CWC27: variants seen among roughly 807,000 people sequenced by gnomAD.
CWC27 encodes the protein CWC27 spliceosome associated cyclophilin, also known as spliceosome-associated protein CWC27 homolog.
A neutral mutation model predicts 63.6 loss-of-function variants in CWC27; 47 were observed. The ratio of observed to expected loss-of-function variants is 0.74; its 90% CI spans 0.58 to 0.94. CWC27 has a LOEUF of 0.94. Ranked by LOEUF, CWC27 falls within the 40% of genes least tolerant of loss-of-function variation. The pLI is 0.00. For synonymous variants in CWC27, 175 were observed against 179.8 expected, an observed-to-expected ratio of 0.97 and a Z score of 0.22; for missense variants, 495 against 554.3, an observed-to-expected ratio of 0.89 and a Z score of 1.07.
intron 7 of CWC27, among the ~76,000 whole-genome samples, chr5:64,789,234 A>G (rs1031027844): frequency 2.6e-5 from 4 of 152,122 alleles, no homozygotes; most frequent in Admixed American, 1.3e-4. Context: ...TTTTAAAAAA[A>G]TCAGTTTGAA....
At chr5:64,929,967 A>T (rs1748205874) in intron 11 of CWC27, among the ~76,000 whole-genome samples, 1 of 150,820 alleles carries the variant, frequency 6.6e-6, no homozygotes, top group African/African-American at 2.4e-5. Flanking sequence ...AAGGGAAACA[A>T]CCCAGACAAA....
At chr5:64,909,039 A>G (rs578121693) in intron 11 of CWC27, among the ~76,000 whole-genome samples, 43 of 152,062 alleles carry the variant, frequency 2.8e-4, no homozygotes, top group African/African-American at 8.9e-4. Context: ...TCCTTTCCAT[A>G]TTTAGTGCTT....
chr5:64,869,814 G>A (rs1415289925), intron 10 of CWC27, among the ~76,000 whole-genome samples: 1 of 151,966 alleles, frequency 6.6e-6, no homozygotes. Context: ...TGTGTTTTAT[G>A]TGTCTAGATG....
intron 11 of CWC27, among the ~76,000 whole-genome samples, chr5:64,947,780 T>G (rs1447138972): frequency 6.6e-6 from 1 of 152,062 alleles, no homozygotes; most frequent in African/African-American, 2.4e-5. Context: ...TACATGTTTT[T>G]GGGGAGCAGG....
intron 1 of CWC27, among the ~76,000 whole-genome samples, chr5:64,774,273 G>A (rs767030455): frequency 1.3e-5 from 2 of 151,914 alleles, no homozygotes; most frequent in Non-Finnish European, 2.9e-5. Context: ...CTCTCAACTC[G>A]GCCTCCCAAA....
chr5:64,940,781 T>C (rs1045606158), intron 11 of CWC27, among the ~76,000 whole-genome samples: 3 of 151,902 alleles, frequency 2.0e-5, no homozygotes, highest in African/African-American at 7.2e-5. Context: ...ATAAATTATT[T>C]TATTTCATTT....
intron 13 of CWC27, among the ~76,000 whole-genome samples, chr5:64,988,581 G>A (rs986763857): frequency 3.3e-5 from 5 of 150,962 alleles, no homozygotes; most frequent in Non-Finnish European, 5.9e-5. Context: ...GCTGTCCAGC[G>A]TGGGACCTGG....
At chr5:64,978,605 GTTT>G (rs35721397) in intron 13 of CWC27, among the ~76,000 whole-genome samples, 10 of 130,316 alleles carry the variant, frequency 7.7e-5, no homozygotes, top group African/African-American at 1.1e-4. Flanking sequence ...GGGTTTTTGG[GTTT>G]TTTTTTTTTT....
At chr5:64,903,456 C>T (rs1356392877) in intron 11 of CWC27, among the ~76,000 whole-genome samples, 1 of 151,206 alleles carries the variant, frequency 6.6e-6, no homozygotes, top group African/African-American at 2.4e-5. Context: ...TGTTCTCACT[C>T]ATAAGTGGGA....
chr5:65,018,132 C>A, intron 13 of CWC27, 27 bp from the exon 14 acceptor site: 1 of 1,553,018 alleles, frequency 6.4e-7, no homozygotes, highest in South Asian at 1.3e-5. Context: ...TGCAAGAAAT[C>A]ACTGAACCAT....
intron 13 of CWC27, among the ~76,000 whole-genome samples, chr5:64,984,564 A>T (rs922474863): frequency 3.3e-5 from 5 of 152,198 alleles, no homozygotes; most frequent in African/African-American, 4.8e-5. Context: ...AGTAATTTTT[A>T]ATCTGTCCCG....
chr5:64,894,676 G>A (rs1213075097), intron 11 of CWC27, among the ~76,000 whole-genome samples: 2 of 152,130 alleles, frequency 1.3e-5, no homozygotes, highest in African/African-American at 2.4e-5. Flanking sequence ...AATATCTTTT[G>A]ATATGTTCCT....
intron 11 of CWC27, among the ~76,000 whole-genome samples, chr5:64,954,585 C>G (rs1045556535): frequency 6.6e-6 from 1 of 151,482 alleles, no homozygotes; most frequent in Non-Finnish European, 1.5e-5. Context: ...GTGCACAGCC[C>G]CCTATTATAT....
intron 11 of CWC27, among the ~76,000 whole-genome samples, chr5:64,901,072 C>T (rs560416328): frequency 5.3e-5 from 8 of 152,044 alleles, no homozygotes; most frequent in Admixed American, 2.0e-4. Context: ...ATTCTTCCAG[C>T]GTGACCCAGG....
chr5:64,868,084 C>G (rs1016131139), intron 10 of CWC27, among the ~76,000 whole-genome samples: 1 of 151,920 alleles, frequency 6.6e-6, no homozygotes, highest in African/African-American at 2.4e-5. Context: ...GAGTATCAGC[C>G]ACAAAGCTAA....
At chr5:64,848,462 AG>A (rs34091388) in intron 10 of CWC27, among the ~76,000 whole-genome samples, 53,512 of 152,036 alleles carry the variant, frequency 0.35, 9,854 homozygotes, top group East Asian at 0.51. Context: ...ACCAAAGAGG[AG>A]GGAATACTTT....
chr5:64,997,918 T>C (rs549927941), intron 13 of CWC27, among the ~76,000 whole-genome samples: 3 of 152,266 alleles, frequency 2.0e-5, no homozygotes, highest in African/African-American at 7.2e-5. Flanking sequence ...GGAATATGAT[T>C]ATAGACCAGG....
chr5:65,005,043 C>T (rs561906960), intron 13 of CWC27, among the ~76,000 whole-genome samples: 85 of 151,476 alleles, frequency 5.6e-4, no homozygotes, highest in Non-Finnish European at 1.0e-3. Context: ...TTGAGTTCCT[C>T]AGTGATTAGG....
chr5:64,942,002 T>A (rs1748492305), intron 11 of CWC27, among the ~76,000 whole-genome samples: 1 of 152,090 alleles, frequency 6.6e-6, no homozygotes, highest in South Asian at 2.1e-4. Flanking sequence ...ATTATAACTA[T>A]TTTGCAGATT....
Sources: gnomAD v4.1 joint callset for allele counts (sites outside exome capture counted in the v4.1 genomes callset) on GRCh38, gnomAD v4.1.1 for gene constraint, MANE v1.5 for transcripts, NCBI Gene and HGNC (gene_info 2026-07-23, HGNC 2026-07-21) for gene names.